BRINP3: variants seen among roughly 807,000 people sequenced by gnomAD.
The protein encoded by BRINP3 is BMP/retinoic acid-inducible neural-specific protein 3.
Under a neutral mutation model 71.0 loss-of-function variants are expected in BRINP3, and 19 were observed. The observed-to-expected ratio is 0.27, with a 90% CI of 0.19 to 0.39. BRINP3 has a LOEUF of 0.39. BRINP3 is among the 10% of genes least tolerant of loss of function. BRINP3 has a pLI of 1.00. For synonymous variants in BRINP3, 380 were observed against 337.7 expected (o/e 1.13, Z -1.37); for missense variants, 959 against 940.8 (o/e 1.02, Z -0.25).
intron 2 of BRINP3, among the ~76,000 whole-genome samples, chr1:190,302,262 T>A (rs1386533439): frequency 2.7e-5 from 4 of 147,248 alleles, no homozygotes; most frequent in Non-Finnish European, 6.0e-5. Flanking sequence ...TATATATATT[T>A]TATATATATA....
At chr1:190,454,975 A>G (rs1675892273) in intron 1 of BRINP3, 35 bp from the exon 2 acceptor site, 2 of 1,000,810 alleles carry the variant, frequency 2.0e-6, no homozygotes, top group South Asian at 1.6e-5. Context: ...GTTAACTCCT[A>G]GAAGATTCCT....
intron 2 of BRINP3, among the ~76,000 whole-genome samples, chr1:190,450,387 G>A (rs1033917362): frequency 6.6e-5 from 10 of 152,122 alleles, no homozygotes; most frequent in Admixed American, 1.3e-4. Flanking sequence ...TATTCTGGCA[G>A]AAGGTTACAT....
chr1:190,097,736 A>C lies in BRINP3; in HGVS notation c.*282T>G, dbSNP rs1651331195. 6.6e-6 allele frequency: 2 copies of C among 301,140 alleles called. No homozygotes were observed. Among genetic ancestry groups the C allele is most frequent in the Admixed American group, 9.1e-5 (2 of 21,898 alleles). 18.7% of individuals were successfully genotyped at this position (301,140 alleles called of 1,614,324 possible). A position where few individuals can be genotyped will look rare whatever the true frequency, so the allele number is the denominator to read the frequency against. On this transcript the variant is annotated 3_prime_UTR_variant, in exon 8 of 8. Coordinates refer to ENST00000367462, the MANE Select transcript of BRINP3 (RefSeq NM_199051.3). ...CCCTCTAGAGGATGTAATGCACAAA[A>C]GCATTGCCACGGAACATATAAAATT...
intron 2 of BRINP3, among the ~76,000 whole-genome samples, chr1:190,323,104 T>C (rs990849828): frequency 2.6e-5 from 4 of 152,012 alleles, no homozygotes; most frequent in African/African-American, 9.7e-5. Flanking sequence ...GTGTCTGGGT[T>C]CTCTACCAAT....
intron 7 of BRINP3, among the ~76,000 whole-genome samples, chr1:190,127,119 A>T (rs963747029): frequency 2.2e-4 from 34 of 151,956 alleles, no homozygotes; most frequent in Admixed American, 2.2e-3. Context: ...GTAATGCAGC[A>T]TTATGAGTCT....
intron 2 of BRINP3, among the ~76,000 whole-genome samples, chr1:190,285,624 T>A (rs1378370620): frequency 6.6e-6 from 1 of 152,062 alleles, no homozygotes; most frequent in Non-Finnish European, 1.5e-5. Context: ...TAATCTAGTA[T>A]ATCATTATTG....
intron 2 of BRINP3, among the ~76,000 whole-genome samples, chr1:190,361,382 C>T (rs1669137023): frequency 6.6e-6 from 1 of 151,436 alleles, no homozygotes; most frequent in African/African-American, 2.4e-5. Context: ...AAATATAAGA[C>T]CAGTTTTTGT....
chr1:190,368,197 C>T lies in BRINP3; in HGVS notation c.237-86447G>A, dbSNP rs148551604. Among the ~76,000 whole-genome samples the T allele has an allele frequency of 4.6e-5, 7 of 152,148 alleles. No homozygotes were observed. In the East Asian group the frequency reaches 1.4e-3, roughly 29 times the overall value. On this transcript the variant is annotated intron_variant, in intron 2 of 7. Coordinates refer to ENST00000367462, the MANE Select transcript of BRINP3 (RefSeq NM_199051.3). ...AACTGGGGAGGCCTCAGGAAACTTA[C>T]AATAATGGTGGAAGGGGAAGTAAAC...
intron 2 of BRINP3, among the ~76,000 whole-genome samples, chr1:190,320,666 C>T (rs573492736): frequency 2.3e-4 from 35 of 152,020 alleles, no homozygotes; most frequent in African/African-American, 7.5e-4. Context: ...CATAGTCACT[C>T]CCACCCCCCA....
intron 2 of BRINP3, among the ~76,000 whole-genome samples, chr1:190,450,346 AAG>A (rs1232949775): frequency 6.6e-6 from 1 of 152,152 alleles, no homozygotes; most frequent in Non-Finnish European, 1.5e-5. Context: ...TATAACTTTT[AAG>A]AAGCTTATAA....
chr1:190,146,143 T>C (rs1216629871), intron 7 of BRINP3, among the ~76,000 whole-genome samples: 1 of 152,038 alleles, frequency 6.6e-6, no homozygotes, highest in African/African-American at 2.4e-5. Flanking sequence ...CCCTCAGAAA[T>C]CATCAATAAA....
chr1:190,293,784 G>A (rs572701037), intron 2 of BRINP3, among the ~76,000 whole-genome samples: 23 of 152,108 alleles, frequency 1.5e-4, no homozygotes, highest in African/African-American at 5.1e-4. Flanking sequence ...CTTCGCTCAC[G>A]CTTTTTACAG....
At chr1:190,301,023 C>G (rs940900491) in intron 2 of BRINP3, among the ~76,000 whole-genome samples, 2 of 151,224 alleles carry the variant, frequency 1.3e-5, no homozygotes, top group African/African-American at 2.4e-5. Context: ...AAGTTGAAAA[C>G]TTTGAAAAAA....
chr1:190,420,397 G>C lies in BRINP3; in HGVS notation c.236+34258C>G, dbSNP rs572408598. Among the ~76,000 whole-genome samples the C allele has an allele frequency of 4.6e-5, 7 of 152,066 alleles. No individual in the cohort carries two copies. In the East Asian group the frequency reaches 1.2e-3, roughly 25 times the overall value. On this transcript the variant is annotated intron_variant, in intron 2 of 7. Coordinates refer to ENST00000367462, the MANE Select transcript of BRINP3 (RefSeq NM_199051.3). ...GGGGAGAAGAAAAGATTTGGTTCAG[G>C]AAGTAAATGCAGTTTGATAGACTTT...
intron 2 of BRINP3, among the ~76,000 whole-genome samples, chr1:190,381,566 A>C (rs971270459): frequency 6.6e-6 from 1 of 152,154 alleles, no homozygotes; most frequent in East Asian, 1.9e-4. Context: ...TTAATATTTT[A>C]ATTGGTCATC....
At chr1:190,170,856 C>G (rs1651947368) in intron 6 of BRINP3, among the ~76,000 whole-genome samples, 1 of 152,078 alleles carries the variant, frequency 6.6e-6, no homozygotes, top group African/African-American at 2.4e-5. Context: ...CATTCAGTAC[C>G]TTTTAAGTCT....
rs189484166 is a variant in BRINP3 at position 190,108,745 on chromosome 1, A to G, written c.1185-9611T>C. On this transcript the variant is annotated intron_variant, in intron 7 of 7. Coordinates refer to ENST00000367462, the MANE Select transcript of BRINP3 (RefSeq NM_199051.3). ...TTTTCCAGACAAAGTTACAAAATGT[A>G]GACCATCTCCCTCACCTCAGTGACA... Among the ~76,000 whole-genome samples the G allele has an allele frequency of 7.9e-5, 12 of 151,812 alleles. No homozygotes were observed. In the East Asian group the frequency reaches 1.9e-3, roughly 25 times the overall value.
chr1:190,450,759 G>A (rs189981349), intron 2 of BRINP3, among the ~76,000 whole-genome samples: 30 of 151,730 alleles, frequency 2.0e-4, no homozygotes, highest in African/African-American at 5.3e-4. Context: ...TATAAAATAG[G>A]CTTATATATA....
chr1:190,223,144 A>C (rs1657038239), intron 6 of BRINP3, among the ~76,000 whole-genome samples: 1 of 152,016 alleles, frequency 6.6e-6, no homozygotes, highest in Admixed American at 6.6e-5. Context: ...ATTTGGAAGG[A>C]AGGTAATACT....
Sources: gnomAD v4.1 joint callset for allele counts (sites outside exome capture counted in the v4.1 genomes callset) on GRCh38, gnomAD v4.1.1 for gene constraint, MANE v1.5 for transcripts, NCBI Gene and HGNC (gene_info 2026-07-23, HGNC 2026-07-21) for gene names.